Variants in OSBP2 observed in about 807,000 individuals in gnomAD.
OSBP2 encodes the protein oxysterol-binding protein 2.
In OSBP2, 66 loss-of-function variants were observed where a neutral mutation model predicts 96.0. That is an observed-to-expected ratio of 0.69 (90% CI 0.56 to 0.84). OSBP2 has a LOEUF of 0.84. Ranked by LOEUF, OSBP2 falls within the 40% of genes least tolerant of loss-of-function variation. The pLI, the probability that OSBP2 is intolerant of heterozygous loss-of-function variation, is 0.00. For missense variants in OSBP2, 1,038 were observed against 1,222.7 expected (o/e 0.85, Z 2.25); for synonymous variants, 525 against 520.9 (o/e 1.01, Z -0.11).
intron 2 of OSBP2, among the ~76,000 whole-genome samples, chr22:30,838,833 GT>G (rs199997856): frequency 1.8e-4 from 27 of 149,334 alleles, no homozygotes; most frequent in Middle Eastern, 3.4e-3. Context: ...GTTTCGTTTT[GT>G]TTTTTTTTAT....
At chr22:30,877,168 G>A (rs995216756) in intron 3 of OSBP2, among the ~76,000 whole-genome samples, 14 of 152,050 alleles carry the variant, frequency 9.2e-5, no homozygotes, top group Non-Finnish European at 1.9e-4. Context: ...GAGAGGAGGG[G>A]TGGGGAGAAT....
intron 2 of OSBP2, among the ~76,000 whole-genome samples, chr22:30,771,828 G>A (rs2090350086): frequency 1.3e-5 from 2 of 152,216 alleles, no homozygotes; most frequent in African/African-American, 4.8e-5. Context: ...GGCTCAGGCT[G>A]TGGCAAGAGG....
At chr22:30,734,850 T>C (rs964893114) in intron 1 of OSBP2, among the ~76,000 whole-genome samples, 2 of 152,234 alleles carry the variant, frequency 1.3e-5, no homozygotes, top group African/African-American at 4.8e-5. Context: ...TATATTTCAC[T>C]GTATAATTCC....
intron 12 of OSBP2, chr22:30,902,556 T>C (rs2147192782): frequency 8.6e-7 from 1 of 1,161,912 alleles, no homozygotes; most frequent in Non-Finnish European, 1.3e-6. Flanking sequence ...CCCAGGTGAC[T>C]GGGAAACAGG....
At chr22:30,893,031 G>C in intron 8 of OSBP2, 91 bp from the exon 9 acceptor site, 1 of 1,512,680 alleles carries the variant, frequency 6.6e-7, no homozygotes, top group South Asian at 1.2e-5. Context: ...TGTGCCTGCT[G>C]AGGCAGGGCA....
intron 1 of OSBP2, among the ~76,000 whole-genome samples, chr22:30,730,730 CT>C (rs2089740404): frequency 4.1e-5 from 1 of 24,218 alleles, no homozygotes; most frequent in African/African-American, 1.5e-4. Flanking sequence ...CTCTCTCTCT[CT>C]CTCTCTCTCT....
rs2089936274 is a variant in OSBP2, at chr22:30,741,434, T to C, written c.853+65T>C. On this transcript the variant is annotated intron_variant, in intron 2 of 13. Coordinates refer to ENST00000332585, the MANE Select transcript of OSBP2 (RefSeq NM_030758.4). ...GTCATGAGTCTGGAGGAAGTGGGAA[T>C]TGCAAGCCACTGGTGGGCAGTGGTG... 3.6e-6 allele frequency: 5 copies of C among 1,383,248 alleles called. No homozygotes were observed. The South Asian group carries it at 6.6e-5, about 18-fold the overall frequency. The allele number at this position is 1,383,248 out of a possible 1,614,324, so 85.7% of individuals were successfully genotyped here.
rs762531369 is a variant in OSBP2, at chr22:30,891,025, C to T, written c.1869+52C>T. On this transcript the variant is annotated intron_variant, in intron 8 of 13. Coordinates refer to ENST00000332585, the MANE Select transcript of OSBP2 (RefSeq NM_030758.4). ...GGCGCCCACCCACACTCTGGCCAAG[C>T]TGTTCCTGCCAGGCCCAAGGTGACA... is the stretch of plus-strand genomic sequence containing the variant. 8 of 1,570,378 alleles carry T rather than the reference C, an allele frequency of 5.1e-6. No homozygotes were observed. In the East Asian group the frequency reaches 1.8e-4, roughly 35 times the overall value.
At chr22:30,831,085 G>C (rs1361688584) in intron 2 of OSBP2, among the ~76,000 whole-genome samples, 1 of 152,080 alleles carries the variant, frequency 6.6e-6, no homozygotes, top group African/African-American at 2.4e-5. Flanking sequence ...GTTTCTTTCC[G>C]GGACACATTG....
intron 2 of OSBP2, among the ~76,000 whole-genome samples, chr22:30,799,268 C>T (rs867300082): frequency 2.0e-5 from 3 of 152,152 alleles, no homozygotes; most frequent in Middle Eastern, 3.4e-3. Context: ...CACCACCACA[C>T]CCAGCTAATT....
At chr22:30,765,286 T>C (rs1480219052) in intron 2 of OSBP2, among the ~76,000 whole-genome samples, 4 of 152,140 alleles carry the variant, frequency 2.6e-5, no homozygotes, top group Non-Finnish European at 1.5e-5. Flanking sequence ...CTCAGCTCAC[T>C]GCAACCTCCA....
At chr22:30,712,349 T>C (rs915276967) in intron 1 of OSBP2, among the ~76,000 whole-genome samples, 6 of 152,124 alleles carry the variant, frequency 3.9e-5, no homozygotes. Flanking sequence ...AACTGAAATG[T>C]GCTCAAGCCT....
At chr22:30,850,705 G>C (rs1327407226) in intron 2 of OSBP2, among the ~76,000 whole-genome samples, 1 of 152,128 alleles carries the variant, frequency 6.6e-6, no homozygotes, top group African/African-American at 2.4e-5. Flanking sequence ...CACCATGTTG[G>C]CCATGCTGGT....
chr22:30,851,898 T>A (rs2038985422), intron 2 of OSBP2, among the ~76,000 whole-genome samples: 1 of 152,210 alleles, frequency 6.6e-6, no homozygotes. Flanking sequence ...TTTTTAGTAT[T>A]TCTGTTTCTT....
At chr22:30,795,807 C>G (rs899923787) in intron 2 of OSBP2, among the ~76,000 whole-genome samples, 3 of 152,232 alleles carry the variant, frequency 2.0e-5, no homozygotes, top group Admixed American at 2.0e-4. Context: ...GCATGAGCCA[C>G]CCTGCCCAGC....
chr22:30,851,195 A>G (rs1008302463), intron 2 of OSBP2, among the ~76,000 whole-genome samples: 7 of 151,860 alleles, frequency 4.6e-5, no homozygotes, highest in Non-Finnish European at 1.0e-4. Context: ...CTGAGTAGCT[A>G]GAATTACAGG....
At chr22:30,714,661 G>A (rs1204770841) in intron 1 of OSBP2, among the ~76,000 whole-genome samples, 1 of 152,108 alleles carries the variant, frequency 6.6e-6, no homozygotes, top group Non-Finnish European at 1.5e-5. Context: ...CTCTTGCCCA[G>A]GCTGGAGTGC....
At chr22:30,815,449 G>A (rs1602304655) in intron 2 of OSBP2, among the ~76,000 whole-genome samples, 2 of 152,218 alleles carry the variant, frequency 1.3e-5, no homozygotes, top group Admixed American at 1.3e-4. Context: ...CTTGGGAAAG[G>A]GTTTCGCATA....
At chr22:30,698,362 G>A (rs2089089406) in intron 1 of OSBP2, among the ~76,000 whole-genome samples, 1 of 152,088 alleles carries the variant, frequency 6.6e-6, no homozygotes, top group Non-Finnish European at 1.5e-5. Context: ...CAATGTGGCT[G>A]GCGAAGAAGG....
Sources: allele counts gnomAD v4.1 joint callset (sites outside exome capture counted in the v4.1 genomes callset), GRCh38; gene constraint gnomAD v4.1.1; transcripts MANE v1.5; gene names NCBI Gene and HGNC (gene_info 2026-07-23, HGNC 2026-07-21).